Variants in SDK2 observed in about 807,000 individuals in gnomAD.
SDK2 encodes sidekick cell adhesion molecule 2, also known as protein sidekick-2.
SDK2 carries 105 observed loss-of-function variants against 253.9 expected under a neutral mutation model. The ratio of observed to expected loss-of-function variants is 0.41; its 90% confidence interval spans 0.35 to 0.49. The LOEUF (loss-of-function observed/expected upper bound fraction) is 0.49. Among genes scored for constraint, SDK2 ranks in the 20% least tolerant of loss-of-function variants. SDK2 has a pLI of 0.06. For synonymous variants in SDK2, 1,249 were observed against 1,234.9 expected, an observed-to-expected ratio of 1.01 and a Z score of -0.24; for missense variants, 2,608 against 3,003.0, an observed-to-expected ratio of 0.87 and a Z score of 3.07.
chr17:73,435,439 G>C lies in SDK2; in HGVS notation c.1195+11C>G. ...GGGCTCACGGGCAGCACAAGGGAAGGCCCAACTTACTGGTGACAGCCAGGT... is the reference window on the plus strand; with the variant it reads ...GGGCTCACGGGCAGCACAAGGGAAGCCCCAACTTACTGGTGACAGCCAGGT... On this transcript the variant is annotated intron_variant, in intron 9 of 44. Coordinates refer to ENST00000392650, the MANE Select transcript of SDK2 (RefSeq NM_001144952.2). This position sits in a 1 kb window ranked among gnomAD's most constrained non-coding sequence, Gnocchi z 5.7. The C allele has an allele frequency of 6.3e-7, 1 of 1,581,108 alleles. No individual in the cohort carries two copies. Among genetic ancestry groups the C allele is most frequent in the Non-Finnish European group, 8.6e-7 (1 of 1,162,470 alleles).
In SDK2 at chr17:73,431,749, A is replaced by G; in HGVS notation, c.1313-80T>C. On this transcript the variant is annotated intron_variant, in intron 10 of 44. Transcript: ENST00000392650. The surrounding 1 kb of genome is among the most constrained non-coding windows in gnomAD (Gnocchi z 5.6). ...CCTTCCCTGGCCGCTCCAGGGCAGC[A>G]TGGTCCCCCCACAGGCCCCTGGCTC... 3 of 1,398,530 alleles carry G rather than the reference A, an allele frequency of 2.1e-6. No homozygotes were observed. Among genetic ancestry groups the G allele is most frequent in the Admixed American group, 2.6e-5 (1 of 38,082 alleles). The allele number at this position is 1,398,530 out of a possible 1,614,324, so 86.6% of individuals were successfully genotyped here.
rs753840920 is a variant in SDK2 at position 73,350,383 on chromosome 17, C to T, written c.5900-8G>A. 7.4e-6 allele frequency: 12 copies of T among 1,611,838 alleles called. No individual in the cohort carries two copies. The highest frequency in any genetic ancestry group is 2.2e-5 in the South Asian group (2 of 90,746). ...CAGACTTGGCACTGTTCCCTGAAGT[C>T]GGCGGGAGATTGACACCCTTTAGAC... On this transcript the variant is annotated splice_region_variant and splice_polypyrimidine_tract_variant and intron_variant, in intron 42 of 44. Transcript: ENST00000392650.
intron 1 of SDK2, among the ~76,000 whole-genome samples, chr17:73,553,977 C>T (rs893533561): frequency 6.6e-6 from 1 of 152,174 alleles, no homozygotes; most frequent in Non-Finnish European, 1.5e-5. Flanking sequence ...AGGACAGGAG[C>T]ATGGAGGGAG....
intron 1 of SDK2, among the ~76,000 whole-genome samples, chr17:73,594,447 A>G (rs1380218990): frequency 6.6e-6 from 1 of 152,092 alleles, no homozygotes; most frequent in Non-Finnish European, 1.5e-5. Context: ...CTCCCCTGGA[A>G]AGTGTTGGTG....
intron 22 of SDK2, among the ~76,000 whole-genome samples, chr17:73,398,637 C>T (rs2062992781): frequency 6.6e-6 from 1 of 152,218 alleles, no homozygotes; most frequent in Non-Finnish European, 1.5e-5. Context: ...TCTCAGGATG[C>T]TTGTGATCAA....
intron 1 of SDK2, among the ~76,000 whole-genome samples, chr17:73,564,363 T>C (rs1168756674): frequency 6.6e-6 from 1 of 152,198 alleles, no homozygotes; most frequent in Non-Finnish European, 1.5e-5. Flanking sequence ...TAAAGTCCAC[T>C]TGAGTCCATT....
rs775994536 is a variant in SDK2 at position 73,387,959 on chromosome 17, G to A, written c.4271C>T (p.Pro1424Leu). 5.7e-6 allele frequency: 9 copies of A among 1,575,078 alleles called. No homozygotes were observed. Among genetic ancestry groups the A allele is most frequent in the Non-Finnish European group, 8.6e-7 (1 of 1,161,234 alleles). The part of the protein sequence containing the change: ...RARSVLLSWE[P>L]GSDGLSPVRY... ...CACAGGGGAGAGCCCGTCGCTCCCT[G>A]GCTCCCAGGACAGCAGCACGCTGCG... Residue 1424 changes from proline (P) to leucine (L), a missense_variant, in exon 30 of 45, where the codon CCA (proline) becomes CTA (leucine). Transcript: ENST00000392650.
At chr17:73,558,316 C>G (rs1343420148) in intron 1 of SDK2, among the ~76,000 whole-genome samples, 1 of 152,128 alleles carries the variant, frequency 6.6e-6, no homozygotes, top group Non-Finnish European at 1.5e-5. Flanking sequence ...TCCTGTGGAA[C>G]CTTCCAGAAT....
At chr17:73,471,992 T>C in intron 3 of SDK2, 120 bp downstream of exon 3, 4 of 716,516 alleles carry the variant, frequency 5.6e-6, no homozygotes, top group Middle Eastern at 7.6e-4. Flanking sequence ...AGGGGCACCA[T>C]GGGCACTCAG....
chr17:73,604,509 A>G (rs1403038547), intron 1 of SDK2, among the ~76,000 whole-genome samples: 1 of 152,106 alleles, frequency 6.6e-6, no homozygotes, highest in Admixed American at 6.5e-5. Flanking sequence ...AAAGGAACAA[A>G]CAGTTGCTCT....
chr17:73,553,315 G>A (rs1366914412), intron 1 of SDK2, among the ~76,000 whole-genome samples: 2 of 152,176 alleles, frequency 1.3e-5, no homozygotes, highest in Admixed American at 1.3e-4. Context: ...CACTGTCAAG[G>A]GCTTTGAGCC....
At chr17:73,343,678 G>C (rs564940927) in intron 44 of SDK2, among the ~76,000 whole-genome samples, 2 of 152,334 alleles carry the variant, frequency 1.3e-5, no homozygotes, top group East Asian at 1.9e-4. Context: ...CCTGGTGATG[G>C]GAGTGGGGAG....
At chr17:73,590,198 T>A (rs1473509667) in intron 1 of SDK2, among the ~76,000 whole-genome samples, 1 of 152,190 alleles carries the variant, frequency 6.6e-6, no homozygotes, top group Non-Finnish European at 1.5e-5. Context: ...TGGACGGCTG[T>A]CTGCAGGGTG....
Position 73,386,460 on chromosome 17 carries a change from T to A in SDK2, c.4483A>T (p.Thr1495Ser). The A allele has an allele frequency of 6.4e-7, 1 of 1,557,128 alleles. No homozygotes were observed. The highest frequency in any genetic ancestry group is 8.7e-7 in the Non-Finnish European group (1 of 1,150,060). Residue 1495 changes from threonine to serine, a missense_variant, in exon 31 of 45, where the codon ACC (threonine) becomes TCC (serine). Thr to Ser is a moderately conservative substitution (Grantham distance 58, BLOSUM62 1). Coordinates refer to ENST00000392650, the MANE Select transcript of SDK2 (RefSeq NM_001144952.2). ...SEFSEESESL[T>S]TLQAAPDEAP... Reference sequence around the variant, plus strand: ...GGGTACTGACCAGCCTGCAGGGTGGTCAGTGACTCCGACTCCTCGCTGAAC... The same window carrying A: ...GGGTACTGACCAGCCTGCAGGGTGGACAGTGACTCCGACTCCTCGCTGAAC...
Position 73,338,618 on chromosome 17 carries a change from G to T in SDK2, c.6488C>A (p.Ala2163Asp). The change falls in exon 45 of 45, where the codon GCT becomes GAT. Residue 2163 changes from alanine (A) to aspartate (D), a missense_variant. Around this residue, in one of 2 missense-constraint regions of SDK2, gnomAD observed 1,103 missense variants for 1,143.9 expected, o/e 0.96. Coordinates refer to ENST00000392650, the MANE Select transcript of SDK2 (RefSeq NM_001144952.2). The surrounding 1 kb of genome is among the most constrained non-coding windows in gnomAD (Gnocchi z 5.0). ...PPSSLAPGSRAPIAGFSSFV is the reference protein window; with the variant it reads ...PPSSLAPGSRDPIAGFSSFV Reference sequence around the variant, plus strand: ...AAATGATGAAAATCCTGCTATGGGAGCCCGGGAGCCTGGGGCCAGGCTGCT... The same window carrying T: ...AAATGATGAAAATCCTGCTATGGGATCCCGGGAGCCTGGGGCCAGGCTGCT... 6.5e-7 allele frequency: 1 copy of T among 1,528,036 alleles called. No individual in the cohort carries two copies. The highest frequency in any genetic ancestry group is 8.7e-7 in the Non-Finnish European group (1 of 1,143,190). The allele number at this position is 1,528,036 out of a possible 1,614,324, so 94.7% of individuals were successfully genotyped here.
At chr17:73,381,922 C>CA (rs1310235288) in intron 33 of SDK2, among the ~76,000 whole-genome samples, 2 of 147,236 alleles carry the variant, frequency 1.4e-5, no homozygotes, top group Non-Finnish European at 3.0e-5. Context: ...AAACAAAAAA[C>CA]AAAAAACAAA....
rs1402161950 is a variant in SDK2, at chr17:73,483,691, ATATATATATATATATAT to A, written c.225-11490_225-11474del. Among the ~76,000 whole-genome samples, 41 of 69,118 alleles carry A rather than the reference ATATATATATATATATAT, an allele frequency of 5.9e-4. 1 individual carries two copies. The highest frequency in any genetic ancestry group is 1.9e-3 in the Admixed American group (10 of 5,136). The allele number at this position is 69,118 out of a possible 152,430, so 45.3% of individuals were successfully genotyped here. On this transcript the variant is annotated intron_variant, in intron 2 of 44. Transcript: ENST00000392650. ...TATATATATATATATATTTATATAT[ATATATATATATATATAT>A]TTTTTTTTTTTTTTAGTAGAGTTGG...
At chr17:73,553,451 C>G (rs922173384) in intron 1 of SDK2, among the ~76,000 whole-genome samples, 1 of 152,188 alleles carries the variant, frequency 6.6e-6, no homozygotes, top group Non-Finnish European at 1.5e-5. Context: ...CCCAAAGTCA[C>G]TGGGCCAGTG....
rs1342208245 is a variant in SDK2 at position 73,472,213 on chromosome 17, A to G, written c.230T>C (p.Met77Thr). Residue 77 changes from methionine (M) to threonine (T), a missense_variant, in exon 3 of 45, where the codon ATG becomes ACG. Physicochemically the swap from Met to Thr is moderately conservative, Grantham distance 81 (BLOSUM62 -1). Coordinates refer to ENST00000392650, the MANE Select transcript of SDK2 (RefSeq NM_001144952.2). ...GTGGGTGCGGTCCAGGCTGGTGATC[A>G]TGTATCTATGGGACAGACGAGACAG... The part of the protein sequence containing the change: ...LTKFSLEYRY[M>T]ITSLDRTHAG... The G allele has an allele frequency of 5.2e-6, 8 of 1,551,126 alleles. No homozygotes were observed. The highest frequency in any genetic ancestry group is 7.0e-6 in the Non-Finnish European group (8 of 1,146,588).
Sources: allele counts gnomAD v4.1 joint callset (sites outside exome capture counted in the v4.1 genomes callset), GRCh38; gene constraint gnomAD v4.1.1; regional missense constraint gnomAD v4.1.1; non-coding constraint Gnocchi (gnomAD v3.1); transcripts MANE v1.5; gene names NCBI Gene and HGNC (gene_info 2026-07-23, HGNC 2026-07-21).